Variants in ANK2 observed in about 807,000 individuals in gnomAD.
ANK2 encodes the protein ankyrin 2, also known as ankyrin-2.
ANK2 carries 83 observed loss-of-function variants against 360.5 expected under a neutral mutation model. The ratio of observed to expected loss-of-function variants is 0.23; its 90% CI spans 0.19 to 0.28. ANK2 has a LOEUF of 0.28. Ranked by LOEUF, ANK2 falls within the 10% of genes least tolerant of loss-of-function variation. The pLI, the probability that ANK2 is intolerant of heterozygous loss-of-function variation, is 1.00. For synonymous variants in ANK2, 1,740 were observed against 1,759.5 expected (o/e 0.99, Z 0.28); for missense variants, 4,201 against 4,795.7 (o/e 0.88, Z 3.66).
At chr4:113,199,509 G>A (rs2098798775) in intron 4 of ANK2, among the ~76,000 whole-genome samples, 1 of 151,994 alleles carries the variant, frequency 6.6e-6, no homozygotes, top group Non-Finnish European at 1.5e-5. Context: ...TCTGCCATAA[G>A]GTGGGAATAA....
At chr4:113,266,344 C>T (rs2056031340) in intron 14 of ANK2, among the ~76,000 whole-genome samples, 1 of 152,180 alleles carries the variant, frequency 6.6e-6, no homozygotes, top group African/African-American at 2.4e-5. Context: ...TTTTCTTTAT[C>T]CATTCTATCA....
intron 26 of ANK2, among the ~76,000 whole-genome samples, chr4:113,325,154 G>T (rs1017019376): frequency 6.6e-6 from 1 of 152,180 alleles, no homozygotes; most frequent in African/African-American, 2.4e-5. Context: ...TGCAATTAAA[G>T]CTGAGTGTTA....
chr4:112,777,605 A>T, the ANK2 span, among the ~76,000 whole-genome samples: 1 of 148,508 alleles, frequency 6.7e-6, no homozygotes, highest in Non-Finnish European at 1.5e-5. Context: ...TTTTAAAAAA[A>T]TACATCTATA....
intron 5 of ANK2, among the ~76,000 whole-genome samples, chr4:113,232,693 TA>T (rs11442384): frequency 6.7e-6 from 1 of 150,256 alleles, no homozygotes; most frequent in Non-Finnish European, 1.5e-5. Flanking sequence ...GGAATGTCAT[TA>T]AAAAAAAACC....
Position 113,249,808 on chromosome 4 carries a change from C to A in ANK2, c.936C>A (p.Asp312Glu), listed in dbSNP as rs767562838. 1 of 1,614,158 alleles carries A rather than the reference C, an allele frequency of 6.2e-7. No homozygotes were observed. Among genetic ancestry groups the A allele is most frequent in the Non-Finnish European group, 8.5e-7 (1 of 1,180,036 alleles). The change falls in exon 10 of 46, where the codon GAC becomes GAA. Residue 312 changes from aspartate to glutamate, a missense_variant. Physicochemically the swap from Asp to Glu is conservative, Grantham distance 45 (BLOSUM62 2). Around this residue, in one of 4 missense-constraint regions of ANK2, gnomAD observed 122 missense variants for 239.3 expected, o/e 0.51. Transcript: ENST00000357077. ...ACTGTGCTGCACGAAGTGGGCATGA[C>A]CAAGTGGTGGAACTTCTGTTGGAAC... ...PLHCAARSGH[D>E]QVVELLLERG...
intron 27 of ANK2, among the ~76,000 whole-genome samples, chr4:113,330,946 T>C (rs1249902183): frequency 6.6e-6 from 1 of 152,198 alleles, no homozygotes; most frequent in Non-Finnish European, 1.5e-5. Context: ...TTTTCAGCTA[T>C]CAAAATTGCT....
chr4:112,941,369 A>G (rs2094192267), intron 2 of ANK2, among the ~76,000 whole-genome samples: 1 of 145,882 alleles, frequency 6.9e-6, no homozygotes, highest in African/African-American at 2.5e-5. Context: ...TATATTATAT[A>G]TAATATACAT....
rs1477765044 is a variant in ANK2, at chr4:113,157,077, T to G, written c.85-17339T>G. On this transcript the variant is annotated intron_variant, in intron 1 of 45. Coordinates refer to ENST00000357077, the MANE Select transcript of ANK2 (RefSeq NM_001148.6). ...TTCTTAAGGTTTTATAACCTAAAGG[T>G]TTTTTTTTTAATAATCCATGCTTTA... Among the ~76,000 whole-genome samples the G allele has an allele frequency of 3.4e-5, 5 of 148,706 alleles. No homozygotes were observed. The South Asian group carries it at 1.1e-3, about 32-fold the overall frequency.
At chr4:113,224,677 A>C (rs981505389) in intron 4 of ANK2, among the ~76,000 whole-genome samples, 5 of 152,224 alleles carry the variant, frequency 3.3e-5, no homozygotes. Flanking sequence ...GTTTACACAG[A>C]TATTTTATGT....
intron 1 of ANK2, among the ~76,000 whole-genome samples, chr4:113,095,787 C>T (rs1331927918): frequency 6.6e-6 from 1 of 152,188 alleles, no homozygotes; most frequent in Admixed American, 6.5e-5. Flanking sequence ...ACTGTCTGTG[C>T]ATGCTCATAT....
At position 113,020,700 on chromosome 4, in the gene ANK2, C is replaced by A. The variant is rs10030964; in HGVS notation, c.21+116186C>A. ...AAATAGCCGGGCATGGTGGCATGCA[C>A]CTGTAATTCCAGCTACTCGGGAGAC... On this transcript the variant is annotated intron_variant, in intron 2 of 30. Coordinates refer to the ANK2 transcript ENST00000503271. 9.6e-4 allele frequency among the ~76,000 whole-genome samples: 146 copies of A among 152,086 alleles called. 1 individual carries two copies. Among genetic ancestry groups the A allele is most frequent in the Middle Eastern group, 3.4e-3 (1 of 294 alleles).
At chr4:113,099,620 C>T (rs998865589) in intron 1 of ANK2, among the ~76,000 whole-genome samples, 2 of 151,872 alleles carry the variant, frequency 1.3e-5, no homozygotes, top group Non-Finnish European at 2.9e-5. Flanking sequence ...CTTGTGGATA[C>T]TGACAAACTG....
chr4:112,811,101 A>AT, the ANK2 span, among the ~76,000 whole-genome samples: 185 of 149,982 alleles, frequency 1.2e-3, 1 homozygote, highest in East Asian at 6.0e-4. Context: ...ATGCCCGCTA[A>AT]TTTTTTTTTG....
In ANK2 at chr4:113,365,125, C is replaced by A. The variant is rs370699621; in HGVS notation, c.10975C>A (p.Arg3659Ser). 6.2e-7 allele frequency: 1 copy of A among 1,613,864 alleles called. No individual in the cohort carries two copies. The highest frequency in any genetic ancestry group is 2.2e-5 in the East Asian group (1 of 44,874). ...GACCAACACAGAACCTCTCCAGGAG[C>A]GCATCAGTCATAGTTATGCAGAAAT... ...METNTEPLQE[R>S]ISHSYAEIEQ... The change falls in exon 41 of 46, where the codon CGC (arginine) becomes AGC (serine). Residue 3659 changes from arginine to serine, a missense_variant. By Grantham distance (110) the Arg-to-Ser change is moderately radical (BLOSUM62 -1). Coordinates refer to ENST00000357077, the MANE Select transcript of ANK2 (RefSeq NM_001148.6).
At chr4:112,875,096 A>T (rs1449010381) in intron 1 of ANK2, among the ~76,000 whole-genome samples, 2 of 147,356 alleles carry the variant, frequency 1.4e-5, no homozygotes, top group Non-Finnish European at 3.0e-5. Flanking sequence ...ATCTTGGCTC[A>T]CTGTAACCTC....
rs573845655 is a variant in ANK2 at position 113,086,206 on chromosome 4, T to C, written c.84+36394T>C. On this transcript the variant is annotated intron_variant, in intron 1 of 45. Transcript: ENST00000357077. Reference sequence around the variant, plus strand: ...CTGTTAATATAGACACTGACTACACTTTGCCTGCCTTTTAAATGTAACTGT... The same window carrying C: ...CTGTTAATATAGACACTGACTACACCTTGCCTGCCTTTTAAATGTAACTGT... 5.3e-5 allele frequency among the ~76,000 whole-genome samples: 8 copies of C among 152,304 alleles called. 1 individual carries two copies. The highest frequency in any genetic ancestry group is 1.9e-4 in the African/African-American group (8 of 41,572).
At chr4:113,238,616 G>A (rs2099402133) in intron 7 of ANK2, among the ~76,000 whole-genome samples, 1 of 152,132 alleles carries the variant, frequency 6.6e-6, no homozygotes, top group African/African-American at 2.4e-5. Flanking sequence ...ATGCTTTTTG[G>A]TGATTATTTA....
At chr4:113,028,352 A>G (rs1036861449) in intron 2 of ANK2, among the ~76,000 whole-genome samples, 5 of 152,144 alleles carry the variant, frequency 3.3e-5, no homozygotes, top group African/African-American at 9.7e-5. Flanking sequence ...GTCAGTCAGA[A>G]CACAGCAAGT....
At chr4:112,719,350 A>G in the ANK2 span, among the ~76,000 whole-genome samples, 3 of 152,194 alleles carry the variant, frequency 2.0e-5, no homozygotes, top group Admixed American at 1.3e-4. Flanking sequence ...CCTCAGATAC[A>G]GAGGGGAAAA....
Sources: allele counts gnomAD v4.1 joint callset (sites outside exome capture counted in the v4.1 genomes callset), GRCh38; gene constraint gnomAD v4.1.1; regional missense constraint gnomAD v4.1.1; transcripts MANE v1.5; gene names NCBI Gene and HGNC (gene_info 2026-07-23, HGNC 2026-07-21).